The following KCNIP4 variants were observed in gnomAD, a reference collection of about 807,000 sequenced individuals.
KCNIP4 encodes the protein potassium voltage-gated channel interacting protein 4, also known as Kv channel-interacting protein 4.
A neutral mutation model predicts 34.0 loss-of-function variants in KCNIP4; 12 were observed. That is an observed-to-expected ratio of 0.35 (90% CI 0.23 to 0.57). KCNIP4 has a LOEUF of 0.57. Ranked by LOEUF, KCNIP4 falls within the 20% of genes least tolerant of loss-of-function variation. The probability of loss-of-function intolerance (pLI) is 0.83; values close to 1 mark genes in which losing one functional copy is unlikely to be tolerated. For missense variants in KCNIP4, 238 were observed against 311.7 expected, an observed-to-expected ratio of 0.76 and a Z score of 1.78; for synonymous variants, 124 against 102.2, an observed-to-expected ratio of 1.21 and a Z score of -1.29.
intron 1 of KCNIP4, among the ~76,000 whole-genome samples, chr4:21,219,919 A>G (rs183656185): frequency 1.5e-4 from 23 of 152,322 alleles, no homozygotes; most frequent in African/African-American, 1.7e-4. Context: ...TGTATAAAAT[A>G]CTGTGTCAGG....
intron 1 of KCNIP4, among the ~76,000 whole-genome samples, chr4:20,942,080 G>A (rs16870251): frequency 0.023 from 3,465 of 152,288 alleles, 119 homozygotes; most frequent in African/African-American, 0.071. Flanking sequence ...GTGATGTCCA[G>A]TAGTAACAAA....
rs189079081 is a variant in KCNIP4, at chr4:20,927,011, C to T, written c.62-44302G>A. On this transcript the variant is annotated intron_variant, in intron 1 of 8. Coordinates refer to ENST00000382152, the MANE Select transcript of KCNIP4 (RefSeq NM_025221.6). ...TTTTTTGAGATGGAGTCTCGAGTCT[C>T]GCTCTATCGCCCAGGCTGGAGTGCA... is the stretch of plus-strand genomic sequence containing the variant. Among the ~76,000 whole-genome samples the T allele has an allele frequency of 2.6e-3, 400 of 152,212 alleles. 2 individuals carry two copies. Among genetic ancestry groups the T allele is most frequent in the African/African-American group, 9.1e-3 (379 of 41,524 alleles).
At chr4:21,087,931 C>G (rs528146667) in intron 1 of KCNIP4, among the ~76,000 whole-genome samples, 1 of 152,018 alleles carries the variant, frequency 6.6e-6, no homozygotes, top group African/African-American at 2.4e-5. Context: ...GATACGCTTC[C>G]CTTCTCACTC....
intron 1 of KCNIP4, among the ~76,000 whole-genome samples, chr4:21,372,520 G>A (rs1432051671): frequency 2.7e-5 from 4 of 146,820 alleles, no homozygotes; most frequent in Admixed American, 6.6e-5. Flanking sequence ...TGTTTCATGC[G>A]TTAAAGATTA....
chr4:20,931,272 A>G (rs1577386037), intron 1 of KCNIP4, among the ~76,000 whole-genome samples: 1 of 152,080 alleles, frequency 6.6e-6, no homozygotes, highest in East Asian at 1.9e-4. Flanking sequence ...TTGCCATGAC[A>G]TGGAGGCATG....
chr4:20,919,748 G>T (rs1184726372), intron 1 of KCNIP4, among the ~76,000 whole-genome samples: 2 of 149,266 alleles, frequency 1.3e-5, no homozygotes, highest in Admixed American at 6.7e-5. Context: ...TTTTAATATT[G>T]TTTGGCGGGG....
intron 1 of KCNIP4, among the ~76,000 whole-genome samples, chr4:21,225,771 A>C (rs1294111091): frequency 6.6e-6 from 1 of 152,170 alleles, no homozygotes; most frequent in Admixed American, 6.5e-5. Context: ...GACTGGGGAA[A>C]ACTGAATAAT....
rs374702881 is a variant in KCNIP4 at position 21,099,130 on chromosome 4, A to G, written c.62-216421T>C. Among the ~76,000 whole-genome samples, 11 of 152,348 alleles carry G rather than the reference A, an allele frequency of 7.2e-5. No individual in the cohort carries two copies. In the South Asian group the frequency reaches 2.3e-3, roughly 32 times the overall value. ...ATCCCATCACTGGGTATATGCCCAA[A>G]GAAATATAAATCATTCTATTATAAA... On this transcript the variant is annotated intron_variant, in intron 1 of 8. Transcript: ENST00000382152.
At chr4:20,790,115 A>G (rs1712532894) in intron 3 of KCNIP4, among the ~76,000 whole-genome samples, 5 of 152,202 alleles carry the variant, frequency 3.3e-5, no homozygotes, top group Admixed American at 2.6e-4. Flanking sequence ...CTAGACTGCA[A>G]ACTTGTACTG....
intron 2 of KCNIP4, among the ~76,000 whole-genome samples, chr4:20,863,991 T>C (rs1347306077): frequency 7.0e-6 from 1 of 143,616 alleles, no homozygotes; most frequent in African/African-American, 2.5e-5. Flanking sequence ...TATGTATAAC[T>C]AGATATACGT....
intron 1 of KCNIP4, among the ~76,000 whole-genome samples, chr4:21,057,443 A>AT (rs968345088): frequency 3.3e-5 from 5 of 151,948 alleles, no homozygotes; most frequent in Non-Finnish European, 7.4e-5. Flanking sequence ...TGTAGCTGTA[A>AT]TTTTTTTTCA....
chr4:20,822,967 G>A (rs192754627), intron 3 of KCNIP4, among the ~76,000 whole-genome samples: 94 of 152,066 alleles, frequency 6.2e-4, no homozygotes, highest in African/African-American at 2.0e-3. Flanking sequence ...TTTCCCCTCC[G>A]GAGGATGCAG....
chr4:21,147,951 A>G (rs528074554), intron 1 of KCNIP4, among the ~76,000 whole-genome samples: 15 of 138,334 alleles, frequency 1.1e-4, no homozygotes, highest in Admixed American at 5.9e-4. Flanking sequence ...AAAAAAAAAA[A>G]AAAAAAAAAG....
At chr4:21,756,546 C>A (rs1717538239) in intron 1 of KCNIP4, among the ~76,000 whole-genome samples, 1 of 113,502 alleles carries the variant, frequency 8.8e-6, no homozygotes, top group Non-Finnish European at 1.7e-5. Context: ...GAGCAAGACT[C>A]TGTCTCAAAA....
At chr4:20,936,412 A>ACG (rs1158012842) in intron 1 of KCNIP4, among the ~76,000 whole-genome samples, 1 of 56,154 alleles carries the variant, frequency 1.8e-5, no homozygotes, top group African/African-American at 6.9e-5. Flanking sequence ...ATTAAAAGAT[A>ACG]TGTTTTTTTT....
intron 1 of KCNIP4, among the ~76,000 whole-genome samples, chr4:21,309,683 T>TA (rs150704467): frequency 0.015 from 2,327 of 152,234 alleles, 61 homozygotes; most frequent in African/African-American, 0.053. Context: ...CAAGGGGAAA[T>TA]TGAGGAATGG....
intron 5 of KCNIP4, among the ~76,000 whole-genome samples, chr4:20,737,973 G>C (rs1750063451): frequency 6.6e-6 from 1 of 151,918 alleles, no homozygotes; most frequent in African/African-American, 2.4e-5. Flanking sequence ...TTAACAGCAA[G>C]AAAAACAAAT....
intron 1 of KCNIP4, among the ~76,000 whole-genome samples, chr4:21,525,666 T>C (rs1483187018): frequency 1.3e-5 from 2 of 152,118 alleles, no homozygotes; most frequent in Non-Finnish European, 2.9e-5. Flanking sequence ...TAATTATTGT[T>C]GCAAAAAGCA....
intron 1 of KCNIP4, among the ~76,000 whole-genome samples, chr4:21,284,553 T>A (rs1762984557): frequency 6.6e-6 from 1 of 152,020 alleles, no homozygotes; most frequent in Non-Finnish European, 1.5e-5. Flanking sequence ...ATGGTAGGAA[T>A]GAGATGTAGG....
Sources: gnomAD v4.1 joint callset for allele counts (sites outside exome capture counted in the v4.1 genomes callset) on GRCh38, gnomAD v4.1.1 for gene constraint, MANE v1.5 for transcripts, NCBI Gene and HGNC (gene_info 2026-07-23, HGNC 2026-07-21) for gene names.